The following ZNF862 variants were observed in gnomAD, a reference collection of about 807,000 sequenced individuals.
ZNF862 encodes zinc finger protein 862.
A neutral mutation model predicts 91.1 loss-of-function variants in ZNF862; 64 were observed. That is an observed-to-expected ratio of 0.70 (90% CI 0.57 to 0.87). The LOEUF is 0.87. ZNF862 is among the 40% of genes least tolerant of loss of function. The pLI is 0.00. For synonymous variants in ZNF862, 631 were observed against 618.1 expected, an observed-to-expected ratio of 1.02 and a Z score of -0.31; for missense variants, 1,459 against 1,528.0, an observed-to-expected ratio of 0.95 and a Z score of 0.75.
chr7:149,846,878 T>C (rs1452583559), intron 3 of ZNF862, among the ~76,000 whole-genome samples: 4 of 152,232 alleles, frequency 2.6e-5, no homozygotes, highest in Non-Finnish European at 5.9e-5. Context: ...GAAAGTATCA[T>C]AGAGACAAAT....
At position 149,859,508 on chromosome 7, in the gene ZNF862, GGGAAAGGTCGT is replaced by G. The variant is rs1563124204; in HGVS notation, c.1205_1215del (p.Gly402AlafsTer43). On this transcript the variant is annotated frameshift_variant, in exon 6 of 8. Transcript: ENST00000223210. LOFTEE classifies it high-confidence loss of function. ...CAAGGACCCAAATGGGCCAAAGTGGGGGAAAGGTCGTCCTCCAGGTGAGTGTAAACCTACAG... is the reference window on the plus strand; with the variant it reads ...CAAGGACCCAAATGGGCCAAAGTGGGCCTCCAGGTGAGTGTAAACCTACAG... 2 of 1,578,528 alleles carry G rather than the reference GGGAAAGGTCGT, an allele frequency of 1.3e-6. No homozygotes were observed. The highest frequency in any genetic ancestry group is 1.7e-6 in the Non-Finnish European group (2 of 1,161,512).
At position 149,850,230 on chromosome 7, in the gene ZNF862, G is replaced by A. The variant is rs1156316101; in HGVS notation, c.1009G>A (p.Asp337Asn). The A allele has an allele frequency of 2.5e-6, 4 of 1,610,760 alleles. No individual in the cohort carries two copies. The highest frequency in any genetic ancestry group is 2.7e-5 in the African/African-American group (2 of 74,836). Residue 337 changes from aspartate to asparagine, a missense_variant, in exon 5 of 8, where the codon GAT (aspartate) becomes AAT (asparagine). Physicochemically the swap from Asp to Asn is conservative, Grantham distance 23. Transcript: ENST00000223210. This position sits in a 1 kb window ranked among gnomAD's most constrained non-coding sequence, Gnocchi z 4.2. The part of the protein sequence containing the change: ...VFEELPVVFE[D>N]VAVYFTREEW... ...TGAGGAGCTGCCGGTGGTGTTCGAG[G>A]ATGTGGCAGTGTATTTCACCCGGGA...
chr7:149,854,172 CCCT>C (rs1223485962), intron 5 of ZNF862, among the ~76,000 whole-genome samples: 18 of 152,312 alleles, frequency 1.2e-4, no homozygotes, highest in African/African-American at 4.3e-4. Context: ...TTCTTTCTCA[CCCT>C]CTGGGTTAAA....
In ZNF862 at chr7:149,860,915, G is replaced by A. The variant is rs1243825288; in HGVS notation, c.1755G>A (p.Thr585=). The A allele has an allele frequency of 9.9e-6, 16 of 1,613,652 alleles. No individual in the cohort carries two copies. The highest frequency in any genetic ancestry group is 8.0e-5 in the African/African-American group (6 of 74,908). ...AGATCCTGCAGCTCCTCCAAAGCAC[G>A]GGGACCGTGATATTAGGCAAGTACC... The part of the protein sequence containing the change: ...FEKILQLLQS[T]GTVILGKYRN... The change falls in exon 7 of 8, where the codon ACG becomes ACA. Residue 585 remains threonine (T), a synonymous_variant. Transcript: ENST00000223210.
At chr7:149,853,543 G>GGC (rs1802142980) in intron 5 of ZNF862, among the ~76,000 whole-genome samples, 1 of 152,236 alleles carries the variant, frequency 6.6e-6, no homozygotes. Flanking sequence ...CCAGGGTAGT[G>GGC]GCGCCAGCGG....
chr7:149,857,148 G>T (rs986516899), intron 5 of ZNF862, among the ~76,000 whole-genome samples: 1 of 152,022 alleles, frequency 6.6e-6, no homozygotes, highest in African/African-American at 2.4e-5. Flanking sequence ...TGGGTATCTG[G>T]TGTTTCCCTT....
chr7:149,846,422 A>G (rs754554621), intron 3 of ZNF862, among the ~76,000 whole-genome samples, 167 bp downstream of exon 3: 4 of 152,188 alleles, frequency 2.6e-5, no homozygotes, highest in East Asian at 3.8e-4. Context: ...CACTGCCCCT[A>G]ATGTCCTTCT....
chr7:149,844,301 G>A (rs1801799432), intron 1 of ZNF862, among the ~76,000 whole-genome samples: 1 of 152,170 alleles, frequency 6.6e-6, no homozygotes, highest in South Asian at 2.1e-4. Context: ...GAAAGAATGT[G>A]CCCTAAGTTG....
Position 149,864,196 on chromosome 7 carries a change from C to A in ZNF862, c.3422C>A (p.Ala1141Glu). The A allele has an allele frequency of 6.3e-7, 1 of 1,596,930 alleles. No individual in the cohort carries two copies. The highest frequency in any genetic ancestry group is 8.5e-7 in the Non-Finnish European group (1 of 1,172,098). ...CCACCCATCCTGCCCTCCAGGGAAG[C>A]AGCGGAGGTTCTGAAGGACTGCATC... The part of the protein sequence containing the change: ...QKPPILPSRE[A>E]AEVLKDCIME... Residue 1141 changes from alanine to glutamate, a missense_variant, in exon 8 of 8, where the codon GCA becomes GAA. By Grantham distance (107) the Ala-to-Glu change is moderately radical. Transcript: ENST00000223210.
chr7:149,841,848 C>CTGATAGATTT, intron 1 of ZNF862: 1 of 728,644 alleles, frequency 1.4e-6, no homozygotes, highest in Non-Finnish European at 1.7e-6. Context: ...CTGCCACCTC[C>CTGATAGATTT]TGATAGATTT....
chr7:149,862,773 C>G (rs1158221531), intron 7 of ZNF862, among the ~76,000 whole-genome samples: 1 of 152,248 alleles, frequency 6.6e-6, no homozygotes, highest in Non-Finnish European at 1.5e-5. Flanking sequence ...CCCCAACTGG[C>G]TGTGTGGCCT....
At chr7:149,841,657 A>G in intron 1 of ZNF862, 1 of 985,330 alleles carries the variant, frequency 1.0e-6, no homozygotes, top group Non-Finnish European at 1.2e-6. Flanking sequence ...TGTGCCTCCT[A>G]GGAGACTGTG....
rs1802413602 is a variant in ZNF862, at chr7:149,860,229, T to TTTAAGTGGCG, written c.1223-146_1223-145insCGTTAAGTGG. 3 of 693,328 alleles carry TTTAAGTGGCG rather than the reference T, an allele frequency of 4.3e-6. No individual in the cohort carries two copies. In the East Asian group the frequency reaches 8.2e-5, roughly 19 times the overall value. The allele number at this position is 693,328 out of a possible 1,614,324, so 42.9% of individuals were successfully genotyped here. ...TTTCACAGATGAGAATGGGTGAGGGTTTAAGTGGACGCCACTTTCTCTAGA... is the reference window on the plus strand; with the variant it reads ...TTTCACAGATGAGAATGGGTGAGGGTTTAAGTGGCGTTAAGTGGACGCCACTTTCTCTAGA... On this transcript the variant is annotated intron_variant, in intron 6 of 7. Transcript: ENST00000223210.
Position 149,861,315 on chromosome 7 carries a change from C to G in ZNF862, c.2155C>G (p.Leu719Val). The G allele has an allele frequency of 6.2e-7, 1 of 1,612,962 alleles. No individual in the cohort carries two copies. Among genetic ancestry groups the G allele is most frequent in the Non-Finnish European group, 8.5e-7 (1 of 1,179,882 alleles). The change falls in exon 7 of 8, where the codon CTG becomes GTG. Residue 719 changes from leucine (L) to valine (V), a missense_variant. By Grantham distance (32) the Leu-to-Val change is conservative. Transcript: ENST00000223210. This position sits in a 1 kb window ranked among gnomAD's most constrained non-coding sequence, Gnocchi z 6.7. Reference sequence around the variant, plus strand: ...AAAGTTCCAGGAGGTCATCCCGCAGCTGCTGCCTGTCCACTGCGTGGCCCA... The same window carrying G: ...AAAGTTCCAGGAGGTCATCCCGCAGGTGCTGCCTGTCCACTGCGTGGCCCA... ...VEKFQEVIPQ[L>V]LPVHCVAHRL...
At position 149,848,008 on chromosome 7, in the gene ZNF862, A is replaced by G. The variant is rs763056199; in HGVS notation, c.515A>G (p.Asp172Gly). The G allele has an allele frequency of 6.2e-7, 1 of 1,613,576 alleles. No homozygotes were observed. The highest frequency in any genetic ancestry group is 2.2e-5 in the East Asian group (1 of 44,888). The change falls in exon 4 of 8, where the codon GAC becomes GGC. Residue 172 changes from aspartate to glycine, a missense_variant. Coordinates refer to ENST00000223210, the MANE Select transcript of ZNF862 (RefSeq NM_001099220.3). ...SACREYPSIR[D>G]KRSRLIEGYT... is the part of the protein sequence containing the mutation. ...TGCCGAGAATACCCCTCCATCAGGGACAAACGGTCAAGACTAATAGAAGGT... is the reference window on the plus strand; with the variant it reads ...TGCCGAGAATACCCCTCCATCAGGGGCAAACGGTCAAGACTAATAGAAGGT...
chr7:149,838,804 G>A (rs1260914027), intron 1 of ZNF862, among the ~76,000 whole-genome samples, 169 bp downstream of exon 1: 1 of 152,254 alleles, frequency 6.6e-6, no homozygotes, highest in Non-Finnish European at 1.5e-5. Flanking sequence ...ACCCCGGGAG[G>A]GTGGCGGAGA....
At chr7:149,841,995 T>A (rs6957009) in intron 1 of ZNF862, among the ~76,000 whole-genome samples, 7 of 151,860 alleles carry the variant, frequency 4.6e-5, no homozygotes, top group African/African-American at 1.7e-4. Flanking sequence ...AAGGGTGGTG[T>A]TGATGAAGGA....
rs762627429 is a variant in ZNF862 at position 149,861,660 on chromosome 7, G to A, written c.2500G>A (p.Gly834Ser). The change falls in exon 7 of 8, where the codon GGC becomes AGC. Residue 834 changes from glycine (G) to serine (S), a missense_variant. Gly to Ser is a moderately conservative substitution (Grantham distance 56). Transcript: ENST00000223210. This position sits in a 1 kb window ranked among gnomAD's most constrained non-coding sequence, Gnocchi z 6.7. Reference protein sequence around the residue: ...RAKGMLKLMRGFHFVKFCHFL... With the variant: ...RAKGMLKLMRSFHFVKFCHFL... ...CAAAGGGATGCTGAAGCTCATGCGC[G>A]GCTTCCACTTTGTCAAGTTCTGCCA... 28 of 1,609,618 alleles carry A rather than the reference G, an allele frequency of 1.7e-5. No homozygotes were observed. The highest frequency in any genetic ancestry group is 2.2e-5 in the South Asian group (2 of 90,606).
intron 5 of ZNF862, among the ~76,000 whole-genome samples, chr7:149,853,674 A>T (rs897627148): frequency 3.9e-5 from 6 of 152,180 alleles, no homozygotes; most frequent in African/African-American, 1.4e-4. Context: ...GCGGTGGCTC[A>T]CGCCTGTAAT....
Sources: allele counts gnomAD v4.1 joint callset (sites outside exome capture counted in the v4.1 genomes callset), GRCh38; gene constraint gnomAD v4.1.1; non-coding constraint Gnocchi (gnomAD v3.1); transcripts MANE v1.5; gene names NCBI Gene and HGNC (gene_info 2026-07-23, HGNC 2026-07-21).